SAMD4B: variants seen among roughly 807,000 people sequenced by gnomAD.
SAMD4B encodes the protein sterile alpha motif domain containing 4B.
A neutral mutation model predicts 74.5 loss-of-function variants in SAMD4B; 5 were observed. The observed-to-expected ratio is 0.07, with a 90% CI of 0.04 to 0.14. The LOEUF is 0.14. SAMD4B is among the 10% of genes least tolerant of loss of function. The probability of loss-of-function intolerance (pLI) is 1.00; values close to 1 mark genes in which losing one functional copy is unlikely to be tolerated. For synonymous variants in SAMD4B, 373 were observed against 374.9 expected (o/e 1.00, Z 0.06); for missense variants, 608 against 921.8 (o/e 0.66, Z 4.41).
chr19:39,372,671 T>C (rs1256266652), intron 4 of SAMD4B, among the ~76,000 whole-genome samples: 4 of 152,084 alleles, frequency 2.6e-5, no homozygotes, highest in Admixed American at 2.0e-4. Flanking sequence ...TCCACCCCAG[T>C]GCGGAGCCAA....
At chr19:39,379,048 C>G (rs1343590933) in intron 9 of SAMD4B, among the ~76,000 whole-genome samples, 1 of 142,314 alleles carries the variant, frequency 7.0e-6, no homozygotes, top group East Asian at 2.1e-4. Context: ...CTCTTCCTCT[C>G]TCTCTCTCTT....
In SAMD4B at chr19:39,359,276, G is replaced by A. The variant is rs540842076; in HGVS notation, c.196+2187G>A. On this transcript the variant is annotated intron_variant, in intron 3 of 13. Transcript: ENST00000610417. ...TTACCTCTGGGTGCCACTCTTAGCT[G>A]TATATCAGAATCACCAGTAGTACTT... is the stretch of plus-strand genomic sequence containing the variant. Among the ~76,000 whole-genome samples, 11 of 152,334 alleles carry A rather than the reference G, an allele frequency of 7.2e-5. No individual in the cohort carries two copies. The East Asian group carries it at 1.7e-3, about 24-fold the overall frequency.
chr19:39,390,377 G>GAAA (rs2078352886), downstream of SAMD4B: 1 of 1,288,688 alleles, frequency 7.8e-7, no homozygotes, highest in Non-Finnish European at 1.1e-6. Flanking sequence ...TCAAAAGGTA[G>GAAA]GAGGGGTGAC....
chr19:39,361,756 TA>T (rs2076667568), intron 3 of SAMD4B, among the ~76,000 whole-genome samples: 1 of 150,950 alleles, frequency 6.6e-6, no homozygotes, highest in Non-Finnish European at 1.5e-5. Context: ...ACCCCATCTC[TA>T]CTAAAAATAC....
intron 4 of SAMD4B, among the ~76,000 whole-genome samples, chr19:39,372,406 C>G (rs568273965): frequency 6.6e-6 from 1 of 152,294 alleles, no homozygotes. Context: ...CCTGTCTTTA[C>G]CCTCAGACCT....
intron 10 of SAMD4B, 128 bp from the exon 11 acceptor site, chr19:39,380,459 A>T: frequency 1.0e-6 from 1 of 991,758 alleles, no homozygotes; most frequent in Non-Finnish European, 1.6e-6. Context: ...GGGGCAGATG[A>T]GGACAGAATG....
chr19:39,386,379 C>T (rs1242255356), downstream of SAMD4B: 1 of 1,614,092 alleles, frequency 6.2e-7, no homozygotes, highest in African/African-American at 1.3e-5. This position sits in a 1 kb window ranked among gnomAD's most constrained non-coding sequence, Gnocchi z 6.1. Context: ...CTTCTCACTG[C>T]TGCTGCCCTT....
chr19:39,387,021 C>G (rs1432743206), downstream of SAMD4B: 2 of 601,828 alleles, frequency 3.3e-6, no homozygotes, highest in Non-Finnish European at 6.0e-6. Context: ...TTGCCCTACA[C>G]TGTGTGTGTG....
chr19:39,370,451 A>T (rs191818367), intron 4 of SAMD4B, among the ~76,000 whole-genome samples: 1 of 152,336 alleles, frequency 6.6e-6, no homozygotes, highest in African/African-American at 2.4e-5. Context: ...TAGCAACTCA[A>T]CAAGATCTGT....
intron 3 of SAMD4B, among the ~76,000 whole-genome samples, chr19:39,366,346 C>G (rs1299086636): frequency 1.3e-5 from 2 of 152,008 alleles, no homozygotes; most frequent in Non-Finnish European, 2.9e-5. Context: ...TGGTGCACGC[C>G]TGTAATCCCA....
chr19:39,390,253 G>C, downstream of SAMD4B: 1 of 1,613,858 alleles, frequency 6.2e-7, no homozygotes, highest in Non-Finnish European at 8.5e-7. Context: ...AGCACAGTGG[G>C]GCTCACCTCT....
intron 12 of SAMD4B, 184 bp downstream of exon 12, chr19:39,381,297 A>C (rs986314205): frequency 2.0e-5 from 13 of 634,856 alleles, no homozygotes; most frequent in Middle Eastern, 3.0e-4. Context: ...CTTCAATTTT[A>C]TCTCTCAGGT....
rs2078191251 is a variant in SAMD4B at position 39,384,658 on chromosome 19, G to A, written c.*1131G>A. 6.6e-6 allele frequency: 1 copy of A among 152,562 alleles called. No individual in the cohort carries two copies. The highest frequency in any genetic ancestry group is 1.5e-5 in the Non-Finnish European group (1 of 68,048). 9.5% of individuals were successfully genotyped at this position (152,562 alleles called of 1,614,324 possible). A position where few individuals can be genotyped will look rare whatever the true frequency, so the allele number is the denominator to read the frequency against. ...GTCTGGTCCCTATTCCTAATGAGGG[G>A]TTGTGTTGGGGCCCAGGTGGAGGGA... On this transcript the variant is annotated 3_prime_UTR_variant, in exon 14 of 14. Coordinates refer to ENST00000610417, the MANE Select transcript of SAMD4B (RefSeq NM_001384574.2).
intron 12 of SAMD4B, 157 bp downstream of exon 12, chr19:39,381,270 G>A: frequency 1.2e-6 from 1 of 849,288 alleles, no homozygotes; most frequent in Non-Finnish European, 1.7e-6. Flanking sequence ...ATTGTGGGGG[G>A]TTGTTTTCCT....
chr19:39,344,603 A>G lies in SAMD4B; in HGVS notation c.-267+2027A>G, dbSNP rs895224957. On this transcript the variant is annotated intron_variant, in intron 1 of 13. Coordinates refer to ENST00000610417, the MANE Select transcript of SAMD4B (RefSeq NM_001384574.2). ...TTTACCCACTAACTTTAGAATTGCT[A>G]TTTACACCCTCTCATTTCCCCATTC... Among the ~76,000 whole-genome samples, 21 of 152,050 alleles carry G rather than the reference A, an allele frequency of 1.4e-4. 1 individual carries two copies. Among genetic ancestry groups the G allele is most frequent in the South Asian group, 6.2e-4 (3 of 4,808 alleles).
At chr19:39,372,142 A>G (rs2077345295) in intron 4 of SAMD4B, among the ~76,000 whole-genome samples, 1 of 152,180 alleles carries the variant, frequency 6.6e-6, no homozygotes, top group Non-Finnish European at 1.5e-5. Flanking sequence ...AAAAGAGGAA[A>G]AGGAATTGGG....
In SAMD4B at chr19:39,385,346, C is replaced by T. The variant is rs2078219874; in HGVS notation, c.*1819C>T. ...AGCCTGTCCTGTCTTGTTCACTCTC[C>T]ATCAGGGTGAGCTGACTGTGCCTGG... is the stretch of plus-strand genomic sequence containing the variant. On this transcript the variant is annotated 3_prime_UTR_variant, in exon 14 of 14. Transcript: ENST00000610417. 2 of 400,006 alleles carry T rather than the reference C, an allele frequency of 5.0e-6. No homozygotes were observed. The highest frequency in any genetic ancestry group is 2.1e-5 in the African/African-American group (1 of 48,518). The allele number at this position is 400,006 out of a possible 1,614,324, so 24.8% of individuals were successfully genotyped here. A position where few individuals can be genotyped will look rare whatever the true frequency, so the allele number is the denominator to read the frequency against.
intron 3 of SAMD4B, among the ~76,000 whole-genome samples, chr19:39,363,361 C>T (rs1311394471): frequency 1.3e-5 from 2 of 152,104 alleles, no homozygotes; most frequent in Admixed American, 6.5e-5. Context: ...TTCATCATTG[C>T]TTGTTGTACT....
chr19:39,342,789 G>A (rs2145104550), intron 1 of SAMD4B, among the ~76,000 whole-genome samples: 1 of 151,854 alleles, frequency 6.6e-6, no homozygotes, highest in South Asian at 2.1e-4. Flanking sequence ...CTGGGCCCTG[G>A]CCGAAGCTTC....
Sources: gnomAD v4.1 joint callset for allele counts (sites outside exome capture counted in the v4.1 genomes callset) on GRCh38, gnomAD v4.1.1 for gene constraint, Gnocchi (gnomAD v3.1) non-coding constraint, MANE v1.5 for transcripts, NCBI Gene and HGNC (gene_info 2026-07-23, HGNC 2026-07-21) for gene names.